The following CCNC variants were observed in gnomAD, a reference collection of about 807,000 sequenced individuals.
CCNC encodes the protein cyclin-C.
CCNC carries 19 observed loss-of-function variants against 50.0 expected under a neutral mutation model. That is an observed-to-expected ratio of 0.38 (90% confidence interval 0.27 to 0.56). The LOEUF is 0.56. Ranked by LOEUF, CCNC falls within the 20% of genes least tolerant of loss-of-function variation. The probability of loss-of-function intolerance (pLI) is 0.72; values close to 1 mark genes in which losing one functional copy is unlikely to be tolerated. For synonymous variants in CCNC, 93 were observed against 103.7 expected (o/e 0.90, Z 0.63); for missense variants, 200 against 327.1 (o/e 0.61, Z 3.00).
At chr6:99,566,753 T>C (rs531463130) in intron 1 of CCNC, 28 of 184,140 alleles carry the variant, frequency 1.5e-4, no homozygotes, top group Non-Finnish European at 2.5e-4. Context: ...AAATTTAAGA[T>C]TACATCTAGG....
chr6:99,552,067 G>T (rs578242060), intron 5 of CCNC, among the ~76,000 whole-genome samples, 172 bp from the exon 6 acceptor site: 50 of 152,068 alleles, frequency 3.3e-4, no homozygotes, highest in African/African-American at 1.1e-3. Flanking sequence ...GGGAAAGACT[G>T]GGGGGCAGGA....
chr6:99,568,710 C>T, upstream of CCNC: 1 of 1,453,098 alleles, frequency 6.9e-7, no homozygotes, highest in Non-Finnish European at 9.0e-7. Flanking sequence ...CGGCCGACAA[C>T]ACTCAACTGT....
chr6:99,551,784 T>C (rs917642558), intron 6 of CCNC, 56 bp downstream of exon 6: 4 of 1,098,246 alleles, frequency 3.6e-6, no homozygotes, highest in Non-Finnish European at 5.0e-6. Flanking sequence ...TAATATAAAA[T>C]AGAGCTAGTT....
In CCNC at chr6:99,561,974, C is replaced by G. The variant is rs1168026431; in HGVS notation, c.140-293G>C. The G allele has an allele frequency of 3.8e-5, 7 of 182,638 alleles. No individual in the cohort carries two copies. In the East Asian group the frequency reaches 6.9e-4, roughly 18 times the overall value. The allele number at this position is 182,638 out of a possible 1,614,324, so 11.3% of individuals were successfully genotyped here. ...TGAATAAATATTTCCCCTCTATCTT[C>G]TAAATATTTTTAATGCTTTTCATAG... On this transcript the variant is annotated intron_variant, in intron 2 of 11. Transcript: ENST00000520429.
intron 9 of CCNC, among the ~76,000 whole-genome samples, chr6:99,549,133 C>A (rs182408428): frequency 6.6e-6 from 1 of 152,260 alleles, no homozygotes; most frequent in East Asian, 1.9e-4. Context: ...TGCTCCTTTA[C>A]TCAACCTCTG....
Position 99,567,022 on chromosome 6 carries a change from G to C in CCNC, c.32+1474C>G, listed in dbSNP as rs567809654. The C allele has an allele frequency of 1.9e-4, 84 of 434,460 alleles. 4 individuals carry two copies. The highest frequency in any genetic ancestry group is 1.3e-3 in the South Asian group (80 of 60,144). 26.9% of individuals were successfully genotyped at this position (434,460 alleles called of 1,614,324 possible). A position where few individuals can be genotyped will look rare whatever the true frequency, so the allele number is the denominator to read the frequency against. On this transcript the variant is annotated intron_variant, in intron 1 of 11. Transcript: ENST00000520429. ...TCAAGGGATTTGAGCAAGGCAAAGT[G>C]GTCCCTTCTTTTAGGACTATTTGAA...
intron 9 of CCNC, 188 bp downstream of exon 9, chr6:99,549,320 G>A: frequency 3.1e-6 from 2 of 654,268 alleles, no homozygotes; most frequent in Admixed American, 2.6e-5. Flanking sequence ...ACCAAAAAGG[G>A]GGTGGGGGAA....
chr6:99,550,823 G>T (rs1033583373), intron 7 of CCNC, 170 bp downstream of exon 7: 7 of 321,018 alleles, frequency 2.2e-5, no homozygotes, highest in African/African-American at 1.3e-4. Flanking sequence ...TATTTTACAG[G>T]CTTCAGAGAG....
At chr6:99,550,395 T>TACACAATTACAAA in intron 7 of CCNC, 86 bp from the exon 8 acceptor site, 1 of 903,204 alleles carries the variant, frequency 1.1e-6, no homozygotes, top group Non-Finnish European at 1.7e-6. Flanking sequence ...TGATTTGTAA[T>TACACAATTACAAA]TGTGTATTTC....
At chr6:99,560,227 A>G (rs1003103224) in intron 4 of CCNC, among the ~76,000 whole-genome samples, 3 of 152,204 alleles carry the variant, frequency 2.0e-5, no homozygotes, top group Non-Finnish European at 2.9e-5. Context: ...AAATTATTAC[A>G]TGGTAATATT....
rs1221793267 is a variant in CCNC, at chr6:99,549,544, G to A, written c.562C>T (p.Leu188Phe). Residue 188 changes from leucine (L) to phenylalanine (F), a missense_variant, in exon 9 of 12, where the codon CTT becomes TTT. Leu to Phe is a conservative substitution (Grantham distance 22). Transcript: ENST00000520429. ...ATGAAAGGAGGATACAGTAGGCAAAGATCCGTTCTGTAGGTATCATTCACT... is the reference window on the plus strand; with the variant it reads ...ATGAAAGGAGGATACAGTAGGCAAAAATCCGTTCTGTAGGTATCATTCACT... ...RIVNDTYRTD[L>F]CLLYPPFMIA... The A allele has an allele frequency of 6.2e-7, 1 of 1,607,152 alleles. No individual in the cohort carries two copies. The highest frequency in any genetic ancestry group is 8.5e-7 in the Non-Finnish European group (1 of 1,174,226).
intron 11 of CCNC, 172 bp from the exon 12 acceptor site, chr6:99,543,781 T>G: frequency 7.1e-7 from 1 of 1,414,550 alleles, no homozygotes; most frequent in East Asian, 2.5e-5. Context: ...TAACAAACAT[T>G]GGTTTTATGT....
chr6:99,543,481 C>A lies in CCNC; in HGVS notation c.*74G>T. The A allele has an allele frequency of 6.8e-7, 1 of 1,473,978 alleles. No individual in the cohort carries two copies. The highest frequency in any genetic ancestry group is 9.4e-7 in the Non-Finnish European group (1 of 1,058,532). 91.3% of individuals were successfully genotyped at this position (1,473,978 alleles called of 1,614,324 possible). ...CAAGCTATTCATTTTCATTTGTGTT[C>A]CACTGAAGACATTACTGAAATCTGT... On this transcript the variant is annotated 3_prime_UTR_variant, in exon 12 of 12. Coordinates refer to ENST00000520429, the MANE Select transcript of CCNC (RefSeq NM_005190.4).
chr6:99,546,527 T>C lies in CCNC; in HGVS notation c.599-53A>G, dbSNP rs1373569731. Reference sequence around the variant, plus strand: ...CATGTTTAACTGCAAACACAGAATATATGATCTAACAAAGATTTTTCACTA... The same window carrying C: ...CATGTTTAACTGCAAACACAGAATACATGATCTAACAAAGATTTTTCACTA... On this transcript the variant is annotated intron_variant, in intron 9 of 11. Transcript: ENST00000520429. The C allele has an allele frequency of 7.1e-6, 8 of 1,122,456 alleles. No homozygotes were observed. The Admixed American group carries it at 1.2e-4, about 17-fold the overall frequency. The allele number at this position is 1,122,456 out of a possible 1,614,324, so 69.5% of individuals were successfully genotyped here. A position where few individuals can be genotyped will look rare whatever the true frequency, so the allele number is the denominator to read the frequency against.
intron 1 of CCNC, among the ~76,000 whole-genome samples, 164 bp from the exon 2 acceptor site, chr6:99,563,112 A>G (rs1018986539): frequency 1.3e-5 from 2 of 152,184 alleles, no homozygotes; most frequent in Non-Finnish European, 2.9e-5. Context: ...TTATCTCACT[A>G]ATAAATGTAA....
At chr6:99,549,618 C>T in intron 8 of CCNC, 43 bp from the exon 9 acceptor site, 1 of 1,244,602 alleles carries the variant, frequency 8.0e-7, no homozygotes, top group South Asian at 1.2e-5. Context: ...GCAGAACTAC[C>T]TCATCTGATT....
intron 2 of CCNC, 198 bp from the exon 3 acceptor site, chr6:99,561,879 AAAC>A (rs1333381043): frequency 9.0e-6 from 3 of 335,154 alleles, no homozygotes; most frequent in Middle Eastern, 8.6e-4. Context: ...AGGTATGCAT[AAAC>A]AACAACAAAA....
In CCNC at chr6:99,568,387, C is replaced by A. The variant is rs1162087032; in HGVS notation, c.32+109G>T. 4 of 1,096,116 alleles carry A rather than the reference C, an allele frequency of 3.6e-6. No homozygotes were observed. The African/African-American group carries it at 4.7e-5, about 13-fold the overall frequency. The allele number at this position is 1,096,116 out of a possible 1,614,324, so 67.9% of individuals were successfully genotyped here. On this transcript the variant is annotated intron_variant, in intron 1 of 11. Coordinates refer to ENST00000520429, the MANE Select transcript of CCNC (RefSeq NM_005190.4). ...TGACCGCTGCGGTCTCCCGTGAGGA[C>A]CCCGGCACTCGGAACTGAGCTGGGA...
At chr6:99,568,070 A>G in intron 1 of CCNC, 1 of 187,836 alleles carries the variant, frequency 5.3e-6, no homozygotes, top group South Asian at 1.0e-4. Context: ...ACAGTGAATG[A>G]CAAAAGACCA....
Sources: allele counts gnomAD v4.1 joint callset (sites outside exome capture counted in the v4.1 genomes callset), GRCh38; gene constraint gnomAD v4.1.1; transcripts MANE v1.5; gene names NCBI Gene and HGNC (gene_info 2026-07-23, HGNC 2026-07-21).